AHRR: variants seen among roughly 807,000 people sequenced by gnomAD.
The protein encoded by AHRR is ahR repressor.
AHRR carries 28 observed loss-of-function variants against 44.0 expected under a neutral mutation model. That is an observed-to-expected ratio of 0.64 (90% CI 0.47 to 0.87). AHRR has a LOEUF of 0.87. Ranked by LOEUF, AHRR falls within the 40% of genes least tolerant of loss-of-function variation. AHRR has a pLI of 0.00. For missense variants in AHRR, 990 were observed against 953.9 expected (o/e 1.04, Z -0.50); for synonymous variants, 434 against 407.0 (o/e 1.07, Z -0.80).
chr5:343,391 T>C (rs1267191099), intron 1 of AHRR: 2 of 163,196 alleles, frequency 1.2e-5, no homozygotes, highest in East Asian at 2.0e-4. Context: ...GCGTACCCTC[T>C]TGGGGGTGAC....
chr5:361,033 A>G (rs4957026), intron 3 of AHRR, among the ~76,000 whole-genome samples: 93,644 of 151,920 alleles, frequency 0.62, 29,312 homozygotes, highest in Non-Finnish European at 0.67. Flanking sequence ...GGGTGATCAC[A>G]AGGTCAGGAG....
intron 3 of AHRR, among the ~76,000 whole-genome samples, chr5:363,812 C>A (rs931952447): frequency 6.6e-6 from 1 of 152,200 alleles, no homozygotes; most frequent in Non-Finnish European, 1.5e-5. Context: ...CACTGCCCCC[C>A]TCTCCCAAGG....
Position 421,021 on chromosome 5 carries a change from G to C in AHRR, c.442-1708G>C, listed in dbSNP as rs1258213783. The C allele has an allele frequency of 3.3e-5, 16 of 483,102 alleles. No homozygotes were observed. The Admixed American group carries it at 6.3e-4, about 19-fold the overall frequency. The allele number at this position is 483,102 out of a possible 1,614,324, so 29.9% of individuals were successfully genotyped here. On this transcript the variant is annotated intron_variant, in intron 5 of 10. Transcript: ENST00000684583. ...CTTCTTATGGTTCAGGAGGTGGAAA[G>C]TTGAAACCATAGCAAGAAACGTGGC...
chr5:345,633 C>T (rs1044717027), intron 2 of AHRR, among the ~76,000 whole-genome samples: 1 of 151,322 alleles, frequency 6.6e-6, no homozygotes, highest in Non-Finnish European at 1.5e-5. Context: ...ATGATGTCCC[C>T]CGCTGCAGGG....
At chr5:432,322 G>A in intron 8 of AHRR, 141 bp from the exon 9 acceptor site, 1 of 741,830 alleles carries the variant, frequency 1.3e-6, no homozygotes, top group Non-Finnish European at 2.3e-6. Flanking sequence ...TTAAACAAGA[G>A]TGAACTATTG....
intron 2 of AHRR, among the ~76,000 whole-genome samples, chr5:349,405 G>A (rs569680824): frequency 2.0e-5 from 3 of 152,028 alleles, no homozygotes; most frequent in African/African-American, 7.2e-5. Context: ...GTGAAACCCC[G>A]TCTCCACTAA....
intron 8 of AHRR, 43 bp downstream of exon 8, chr5:428,049 C>A (rs768238670): frequency 6.4e-7 from 1 of 1,572,692 alleles, no homozygotes; most frequent in Non-Finnish European, 8.7e-7. Flanking sequence ...TGCCTGCTGG[C>A]GGCCCCCACA....
In AHRR at chr5:405,087, C is replaced by G. The variant is rs759156603; in HGVS notation, c.352-8257C>G. Among the ~76,000 whole-genome samples the G allele has an allele frequency of 6.6e-6, 1 of 152,126 alleles. No homozygotes were observed. Among genetic ancestry groups the G allele is most frequent in the Non-Finnish European group, 1.5e-5 (1 of 68,030 alleles). ...CCCAAGTGTTCCATGGCCCCCTCCCCCAAAGAAATGCAGCAGGTCTGACAT... is the reference window on the plus strand; with the variant it reads ...CCCAAGTGTTCCATGGCCCCCTCCCGCAAAGAAATGCAGCAGGTCTGACAT... On this transcript the variant is annotated intron_variant, in intron 4 of 10. Coordinates refer to ENST00000684583, the MANE Select transcript of AHRR (RefSeq NM_001377236.1). This position sits in a 1 kb window ranked among gnomAD's most constrained non-coding sequence, Gnocchi z 4.5.
At chr5:369,986 G>C in intron 3 of AHRR, among the ~76,000 whole-genome samples, 1 of 152,252 alleles carries the variant, frequency 6.6e-6, no homozygotes, top group Middle Eastern at 3.2e-3. Context: ...TGTGAGAGCA[G>C]GGGTCAGAGG....
Position 432,839 on chromosome 5 carries a change from T to C in AHRR, c.1004T>C (p.Leu335Pro). 6.2e-7 allele frequency: 1 copy of C among 1,613,770 alleles called. No homozygotes were observed. The highest frequency in any genetic ancestry group is 8.5e-7 in the Non-Finnish European group (1 of 1,180,024). The change falls in exon 10 of 11, where the codon CTC becomes CCC. Residue 335 changes from leucine (L) to proline (P), a missense_variant. Leu to Pro is a moderately conservative substitution (Grantham distance 98, BLOSUM62 -3). Coordinates refer to ENST00000684583, the MANE Select transcript of AHRR (RefSeq NM_001377236.1). ...RSSRESGVLV[L>P]REQTDAGRWA... Reference sequence around the variant, plus strand: ...AGCAGAGAGAGCGGCGTTTTGGTGCTCAGGGAACAGACTGACGCTGGCCGA... The same window carrying C: ...AGCAGAGAGAGCGGCGTTTTGGTGCCCAGGGAACAGACTGACGCTGGCCGA...
chr5:343,819 G>A lies in AHRR; in HGVS notation c.-10-74G>A, dbSNP rs965624935. ...GTGGGGGCGCCAGGACCGCGCTGAGGGGCCCGGGGCATCGCGGCGGGAACA... is the reference window on the plus strand; with the variant it reads ...GTGGGGGCGCCAGGACCGCGCTGAGAGGCCCGGGGCATCGCGGCGGGAACA... On this transcript the variant is annotated intron_variant, in intron 1 of 10. Transcript: ENST00000684583. 5 of 1,490,484 alleles carry A rather than the reference G, an allele frequency of 3.4e-6. No homozygotes were observed. In the East Asian group the frequency reaches 1.3e-4, roughly 39 times the overall value. The allele number at this position is 1,490,484 out of a possible 1,614,324, so 92.3% of individuals were successfully genotyped here. A position where few individuals can be genotyped will look rare whatever the true frequency, so the allele number is the denominator to read the frequency against.
chr5:351,241 C>T (rs1399125326), intron 2 of AHRR, among the ~76,000 whole-genome samples: 1 of 152,206 alleles, frequency 6.6e-6, no homozygotes, highest in Non-Finnish European at 1.5e-5. Flanking sequence ...CCCAGCAACT[C>T]TACTGCTAAG....
chr5:382,171 G>A (rs1245131812), intron 4 of AHRR, among the ~76,000 whole-genome samples: 1 of 152,160 alleles, frequency 6.6e-6, no homozygotes. Flanking sequence ...TCATGGTAAC[G>A]CTGGCTTCTT....
At chr5:389,335 G>A (rs935126126) in intron 4 of AHRR, among the ~76,000 whole-genome samples, 2 of 152,168 alleles carry the variant, frequency 1.3e-5, no homozygotes, top group African/African-American at 4.8e-5. Context: ...GTAAAGCCCT[G>A]AAAACCAGAG....
chr5:420,020 A>G (rs1461200536), intron 5 of AHRR, among the ~76,000 whole-genome samples: 1 of 152,194 alleles, frequency 6.6e-6, no homozygotes, highest in Non-Finnish European at 1.5e-5. Context: ...CACACGCTGC[A>G]TCCTTCAGCC....
At chr5:359,782 C>T (rs1302655135) in intron 3 of AHRR, among the ~76,000 whole-genome samples, 1 of 152,200 alleles carries the variant, frequency 6.6e-6, no homozygotes, top group Non-Finnish European at 1.5e-5. Context: ...ACATCCGCTT[C>T]ACCCCACCCT....
Position 377,022 on chromosome 5 carries a change from C to T in AHRR, c.351+306C>T, listed in dbSNP as rs141716834. Among the ~76,000 whole-genome samples the T allele has an allele frequency of 1.2e-3, 189 of 152,260 alleles. 2 individuals carry two copies. Among genetic ancestry groups the T allele is most frequent in the African/African-American group, 4.3e-3 (179 of 41,558 alleles). On this transcript the variant is annotated intron_variant, in intron 4 of 10. Coordinates refer to ENST00000684583, the MANE Select transcript of AHRR (RefSeq NM_001377236.1). ...TTCTGCACCGTCTGCTTTTGCTTGT[C>T]GGTGAGAGAACCTTGTACAAAATTA...
At chr5:353,430 G>A (rs1314404967) in intron 2 of AHRR, among the ~76,000 whole-genome samples, 1 of 152,180 alleles carries the variant, frequency 6.6e-6, no homozygotes, top group Admixed American at 6.5e-5. Context: ...GTGGAGAAAT[G>A]TGCCTGTCCC....
rs574346500 is a variant in AHRR, at chr5:411,757, C to T, written c.352-1587C>T. 5.8e-4 allele frequency among the ~76,000 whole-genome samples: 89 copies of T among 152,350 alleles called. No individual in the cohort carries two copies. The highest frequency in any genetic ancestry group is 1.1e-3 in the Non-Finnish European group (75 of 68,032). The stretch of plus-strand genomic sequence containing the variant: ...TTAAGGGAAATTAGTATATAGTATA[C>T]TGCTGACAGCCACAAACATCATGGG... On this transcript the variant is annotated intron_variant, in intron 4 of 10. Coordinates refer to ENST00000684583, the MANE Select transcript of AHRR (RefSeq NM_001377236.1). This position sits in a 1 kb window ranked among gnomAD's most constrained non-coding sequence, Gnocchi z 4.2.
Sources: allele counts gnomAD v4.1 joint callset (sites outside exome capture counted in the v4.1 genomes callset), GRCh38; gene constraint gnomAD v4.1.1; non-coding constraint Gnocchi (gnomAD v3.1); transcripts MANE v1.5; gene names NCBI Gene and HGNC (gene_info 2026-07-23, HGNC 2026-07-21).